CWC27: variants seen among roughly 807,000 people sequenced by gnomAD.
The protein encoded by CWC27 is spliceosome-associated protein CWC27 homolog.
In CWC27, 47 loss-of-function variants were observed where a neutral mutation model predicts 63.6. The ratio of observed to expected loss-of-function variants is 0.74; its 90% CI spans 0.58 to 0.94. CWC27 has a LOEUF of 0.94. Among genes scored for constraint, CWC27 ranks in the 40% least tolerant of loss-of-function variants. The probability of loss-of-function intolerance (pLI) is 0.00; values close to 1 mark genes in which losing one functional copy is unlikely to be tolerated. For synonymous variants in CWC27, 175 were observed against 179.8 expected (o/e 0.97, Z 0.22); for missense variants, 495 against 554.3 (o/e 0.89, Z 1.07).
chr5:64,784,005 G>A (rs1743795135), intron 4 of CWC27, 26 bp downstream of exon 4: 1 of 1,533,552 alleles, frequency 6.5e-7, no homozygotes, highest in East Asian at 2.4e-5. Flanking sequence ...TTTTAAACCT[G>A]TGGTTCAGTT....
At chr5:64,899,918 A>G (rs143132486) in intron 11 of CWC27, among the ~76,000 whole-genome samples, 130 of 152,230 alleles carry the variant, frequency 8.5e-4, no homozygotes, top group African/African-American at 2.9e-3. Context: ...CATATTCTCT[A>G]TGTACTTTTT....
At chr5:64,777,111 G>T (rs1041407946) in intron 2 of CWC27, among the ~76,000 whole-genome samples, 78 of 152,180 alleles carry the variant, frequency 5.1e-4, no homozygotes, top group Middle Eastern at 6.8e-3. Flanking sequence ...TTTTATGTTT[G>T]TTTTATAGAC....
chr5:64,784,026 T>C lies in CWC27; in HGVS notation c.396+47T>C, dbSNP rs746103031. On this transcript the variant is annotated intron_variant, in intron 4 of 13. Transcript: ENST00000381070. ...ACCTGTGGTTCAGTTTTTGGTTTTA[T>C]GTTATTCCTTAGACTTCTAAGATAC... The C allele has an allele frequency of 1.7e-5, 25 of 1,486,634 alleles. No individual in the cohort carries two copies. The South Asian group carries it at 2.7e-4, about 16-fold the overall frequency. 92.1% of individuals were successfully genotyped at this position (1,486,634 alleles called of 1,614,324 possible).
intron 13 of CWC27, among the ~76,000 whole-genome samples, chr5:65,000,935 C>T (rs1177267204): frequency 6.6e-6 from 1 of 151,914 alleles, no homozygotes; most frequent in Non-Finnish European, 1.5e-5. Context: ...ATATTAACAA[C>T]ATTAATTCTT....
intron 11 of CWC27, among the ~76,000 whole-genome samples, chr5:64,925,054 A>T (rs1481582829): frequency 6.6e-6 from 1 of 152,186 alleles, no homozygotes; most frequent in Admixed American, 6.5e-5. Context: ...AATATGAGTT[A>T]AAGCAATAAA....
chr5:64,930,090 A>G (rs941280180), intron 11 of CWC27, among the ~76,000 whole-genome samples: 6 of 152,190 alleles, frequency 3.9e-5, no homozygotes, highest in African/African-American at 1.4e-4. Context: ...ACATTACTCT[A>G]CATGAAAGAA....
chr5:64,842,225 CT>C (rs896609788), intron 10 of CWC27, among the ~76,000 whole-genome samples: 5 of 152,178 alleles, frequency 3.3e-5, no homozygotes, highest in Admixed American at 1.3e-4. Flanking sequence ...TTGCTTACCC[CT>C]GGTTTACAAT....
At chr5:64,839,108 T>C (rs1345629820) in intron 10 of CWC27, among the ~76,000 whole-genome samples, 2 of 152,224 alleles carry the variant, frequency 1.3e-5, no homozygotes, top group Non-Finnish European at 2.9e-5. Flanking sequence ...GTCTGGCATA[T>C]ACTAGGTGCT....
chr5:64,891,771 T>TTTGTTGTTGTTG (rs56101875), intron 11 of CWC27, among the ~76,000 whole-genome samples: 3,410 of 147,732 alleles, frequency 0.023, 61 homozygotes, highest in Non-Finnish European at 0.031. Context: ...CTTGGGATAC[T>TTTGTTGTTGTTG]TTGTTGTTGT....
At chr5:64,988,724 C>T (rs1459292580) in intron 13 of CWC27, among the ~76,000 whole-genome samples, 1 of 151,812 alleles carries the variant, frequency 6.6e-6, no homozygotes, top group Non-Finnish European at 1.5e-5. Context: ...TTGCCTCAGG[C>T]TCCTGAGTAG....
At chr5:64,941,744 G>A (rs1452477215) in intron 11 of CWC27, among the ~76,000 whole-genome samples, 4 of 151,922 alleles carry the variant, frequency 2.6e-5, no homozygotes, top group African/African-American at 9.7e-5. Flanking sequence ...TCTTACACTT[G>A]TGAGGTGTTT....
intron 13 of CWC27, among the ~76,000 whole-genome samples, chr5:65,001,830 T>A (rs1484087529): frequency 6.6e-6 from 1 of 151,946 alleles, no homozygotes; most frequent in South Asian, 2.1e-4. Flanking sequence ...GTAGTGATGG[T>A]CTCATAGAAT....
intron 11 of CWC27, among the ~76,000 whole-genome samples, chr5:64,953,786 G>A (rs1220001460): frequency 6.6e-6 from 1 of 152,166 alleles, no homozygotes; most frequent in Admixed American, 6.5e-5. Context: ...TTATATTTCT[G>A]TTGTTTCTTG....
chr5:64,935,697 A>G (rs1182752027), intron 11 of CWC27, among the ~76,000 whole-genome samples: 1 of 152,142 alleles, frequency 6.6e-6, no homozygotes, highest in Non-Finnish European at 1.5e-5. Context: ...TTTGGGCAGT[A>G]TGGCCATTTT....
chr5:64,923,811 C>A (rs1354821357), intron 11 of CWC27, among the ~76,000 whole-genome samples: 1 of 151,646 alleles, frequency 6.6e-6, no homozygotes, highest in African/African-American at 2.4e-5. Context: ...TCCTTAAAAC[C>A]AGTAGCGACC....
At chr5:64,912,028 C>T (rs112375290) in intron 11 of CWC27, among the ~76,000 whole-genome samples, 3 of 146,612 alleles carry the variant, frequency 2.0e-5, no homozygotes, top group African/African-American at 5.0e-5. Context: ...GAGCCGAGAT[C>T]GTGCCACTGC....
At chr5:64,904,340 G>A (rs775400575) in intron 11 of CWC27, among the ~76,000 whole-genome samples, 2 of 152,142 alleles carry the variant, frequency 1.3e-5, no homozygotes, top group Non-Finnish European at 2.9e-5. Flanking sequence ...TCAGGAATTC[G>A]GAACAACTTA....
At chr5:64,874,268 T>C (rs922926638) in intron 10 of CWC27, among the ~76,000 whole-genome samples, 3 of 150,362 alleles carry the variant, frequency 2.0e-5, no homozygotes, top group Admixed American at 2.0e-4. Flanking sequence ...TTCAAGTTAT[T>C]CTCCTGCCTC....
intron 13 of CWC27, among the ~76,000 whole-genome samples, chr5:64,978,179 A>T (rs1317736386): frequency 6.6e-6 from 1 of 152,198 alleles, no homozygotes; most frequent in Admixed American, 6.5e-5. Flanking sequence ...GGGCTGGAAA[A>T]CACATTTAAA....
Sources: gnomAD v4.1 joint callset for allele counts (sites outside exome capture counted in the v4.1 genomes callset) on GRCh38, gnomAD v4.1.1 for gene constraint, MANE v1.5 for transcripts, NCBI Gene and HGNC (gene_info 2026-07-23, HGNC 2026-07-21) for gene names.